Variants in STARD13 observed in about 807,000 individuals in gnomAD.
STARD13 encodes the protein StAR related lipid transfer domain containing 13, also known as stAR-related lipid transfer protein 13.
Under a neutral mutation model 106.4 loss-of-function variants are expected in STARD13, and 62 were observed. The observed-to-expected ratio is 0.58, with a 90% confidence interval of 0.48 to 0.72. The LOEUF is 0.72. STARD13 is among the 30% of genes least tolerant of loss of function. The pLI is 0.00. For missense variants in STARD13, 1,387 were observed against 1,424.0 expected (o/e 0.97, Z 0.42); for synonymous variants, 565 against 553.0 (o/e 1.02, Z -0.31).
the STARD13 span, among the ~76,000 whole-genome samples, chr13:33,407,794 C>T: frequency 6.6e-6 from 1 of 152,130 alleles, no homozygotes; most frequent in African/African-American, 2.4e-5. Flanking sequence ...GCAATTCTTG[C>T]AAAGCAAACT....
chr13:33,476,193 T>C, the STARD13 span, among the ~76,000 whole-genome samples: 1 of 152,134 alleles, frequency 6.6e-6, no homozygotes, highest in East Asian at 1.9e-4. Flanking sequence ...TTAATTGTGT[T>C]TACCATTATT....
chr13:33,503,984 G>C, the STARD13 span, among the ~76,000 whole-genome samples: 1 of 152,154 alleles, frequency 6.6e-6, no homozygotes, highest in Admixed American at 6.6e-5. Context: ...CATTTATGCA[G>C]CCAACAGACA....
chr13:33,359,045 C>T, the STARD13 span, among the ~76,000 whole-genome samples: 1 of 152,150 alleles, frequency 6.6e-6, no homozygotes, highest in African/African-American at 2.4e-5. Flanking sequence ...TGGGCTCTAC[C>T]AATCAGCAGG....
chr13:33,620,534 C>T, the STARD13 span, among the ~76,000 whole-genome samples: 4 of 151,966 alleles, frequency 2.6e-5, no homozygotes, highest in African/African-American at 9.7e-5. Context: ...CCACCCACCT[C>T]GGCCTCTGAA....
the STARD13 span, among the ~76,000 whole-genome samples, chr13:33,431,828 A>G: frequency 7.9e-5 from 12 of 152,340 alleles, no homozygotes; most frequent in East Asian, 1.3e-3. Flanking sequence ...GGCCAGGGAT[A>G]CCAAGAACAT....
At chr13:33,620,960 T>C in the STARD13 span, among the ~76,000 whole-genome samples, 2,588 of 151,908 alleles carry the variant, frequency 0.017, 26 homozygotes, top group Middle Eastern at 0.037. Context: ...AAACACACAG[T>C]ATGCTAAAAT....
the STARD13 span, among the ~76,000 whole-genome samples, chr13:33,538,433 G>T: frequency 6.6e-6 from 1 of 152,156 alleles, no homozygotes; most frequent in Non-Finnish European, 1.5e-5. Context: ...TCGGCTTTTA[G>T]CTGGGACACA....
chr13:33,494,939 G>A, the STARD13 span, among the ~76,000 whole-genome samples: 1 of 152,068 alleles, frequency 6.6e-6, no homozygotes, highest in East Asian at 1.9e-4. Flanking sequence ...TCTACTTAGG[G>A]TTCCCACGAC....
At chr13:33,652,754 T>G in the STARD13 span, among the ~76,000 whole-genome samples, 2 of 152,154 alleles carry the variant, frequency 1.3e-5, no homozygotes, top group East Asian at 3.8e-4. Context: ...TTTCTTTTTC[T>G]GTAGATTGGG....
intron 1 of STARD13, among the ~76,000 whole-genome samples, chr13:33,226,794 A>T (rs1888649561): frequency 1.3e-5 from 2 of 152,196 alleles, no homozygotes; most frequent in South Asian, 4.1e-4. Flanking sequence ...TGGACAATAA[A>T]TGAAAATGTA....
the STARD13 span, among the ~76,000 whole-genome samples, chr13:33,666,226 G>A: frequency 6.6e-6 from 1 of 152,162 alleles, no homozygotes; most frequent in South Asian, 2.1e-4. Context: ...TTGTTTTAAT[G>A]TTACTAATAC....
At chr13:33,635,648 G>A in the STARD13 span, among the ~76,000 whole-genome samples, 1 of 150,654 alleles carries the variant, frequency 6.6e-6, no homozygotes, top group Admixed American at 6.6e-5. Context: ...GGGCGAGAGA[G>A]CAAGACTCCA....
chr13:33,299,713 G>A (rs1892638974), intron 1 of STARD13, among the ~76,000 whole-genome samples: 2 of 152,190 alleles, frequency 1.3e-5, no homozygotes, highest in African/African-American at 4.8e-5. Flanking sequence ...GGAGGTAGGT[G>A]AATGGGCCCA....
At chr13:33,459,947 G>A in the STARD13 span, among the ~76,000 whole-genome samples, 1 of 152,062 alleles carries the variant, frequency 6.6e-6, no homozygotes, top group African/African-American at 2.4e-5. Flanking sequence ...TATGTAATAT[G>A]TCTGTTTTCC....
chr13:33,332,563 CCAACCATG>C (rs2077848670), intron 1 of STARD13, among the ~76,000 whole-genome samples: 3 of 152,092 alleles, frequency 2.0e-5, no homozygotes, highest in Non-Finnish European at 4.4e-5. Context: ...TTTTTAGAAT[CCAACCATG>C]CTGGCACCCT....
the STARD13 span, among the ~76,000 whole-genome samples, chr13:33,649,068 C>G: frequency 6.6e-6 from 1 of 152,142 alleles, no homozygotes; most frequent in Admixed American, 6.5e-5. Flanking sequence ...GCTGGGATTA[C>G]AGGCATGAGC....
intron 1 of STARD13, among the ~76,000 whole-genome samples, chr13:33,197,048 T>C (rs1358836043): frequency 6.6e-6 from 1 of 152,212 alleles, no homozygotes; most frequent in Non-Finnish European, 1.5e-5. Context: ...TGAGTGTATA[T>C]TCAACAAAGG....
chr13:33,110,127 C>A, intron 11 of STARD13, 37 bp from the exon 12 acceptor site: 1 of 1,595,680 alleles, frequency 6.3e-7, no homozygotes, highest in South Asian at 1.1e-5. Flanking sequence ...AAGAGGTTGT[C>A]TGGGATATGG....
At chr13:33,607,277 AGTTT>A in the STARD13 span, among the ~76,000 whole-genome samples, 1 of 151,322 alleles carries the variant, frequency 6.6e-6, no homozygotes, top group African/African-American at 2.4e-5. Context: ...CGAGTGAGTT[AGTTT>A]GTCAGCTATC....
Sources: gnomAD v4.1 joint callset for allele counts (sites outside exome capture counted in the v4.1 genomes callset) on GRCh38, gnomAD v4.1.1 for gene constraint, MANE v1.5 for transcripts, NCBI Gene and HGNC (gene_info 2026-07-23, HGNC 2026-07-21) for gene names.